The following GSG1L variants were observed in gnomAD, a reference collection of about 807,000 sequenced individuals.
GSG1L encodes GSG1 like.
In GSG1L, 24 loss-of-function variants were observed where a neutral mutation model predicts 42.1. The observed-to-expected ratio is 0.57, with a 90% CI of 0.41 to 0.80. The LOEUF (loss-of-function observed/expected upper bound fraction) is 0.80. GSG1L is among the 30% of genes least tolerant of loss of function. GSG1L has a pLI of 0.00. For synonymous variants in GSG1L, 215 were observed against 203.5 expected (o/e 1.06, Z -0.48); for missense variants, 445 against 472.2 (o/e 0.94, Z 0.53).
intron 2 of GSG1L, among the ~76,000 whole-genome samples, chr16:27,888,507 CTT>C (rs1567505975): frequency 1.3e-3 from 18 of 13,430 alleles, no homozygotes; most frequent in South Asian, 3.1e-3. Flanking sequence ...TTCTTTCTTT[CTT>C]TCTTTCTTTC....
rs200521273 is a variant in GSG1L at position 27,979,642 on chromosome 16, G to GGAAAGAAAGAAAGAAAGAAAGAAA, written c.350-16440_350-16439insTTTCTTTCTTTCTTTCTTTCTTTC. On this transcript the variant is annotated intron_variant, in intron 1 of 6. Transcript: ENST00000447459. ...GAAAGGGAGATGGGCAGGAGGGAGG[G>GGAAAGAAAGAAAGAAAGAAAGAAA]GAAAGAAAGAAAGAAAGAAAGAGAG... 9.0e-3 allele frequency among the ~76,000 whole-genome samples: 505 copies of GGAAAGAAAGAAAGAAAGAAAGAAA among 55,886 alleles called. 26 individuals are homozygous for GGAAAGAAAGAAAGAAAGAAAGAAA. Among genetic ancestry groups the GGAAAGAAAGAAAGAAAGAAAGAAA allele is most frequent in the Middle Eastern group, 0.011 (1 of 92 alleles). 36.7% of individuals were successfully genotyped at this position (55,886 alleles called of 152,430 possible).
chr16:27,905,346 A>T (rs2084308697), intron 2 of GSG1L, among the ~76,000 whole-genome samples: 1 of 145,134 alleles, frequency 6.9e-6, no homozygotes, highest in Non-Finnish European at 1.5e-5. Flanking sequence ...TTTTAAAGCG[A>T]CAGGGTCTCA....
chr16:27,865,639 A>ATG (rs1192603680), intron 3 of GSG1L, among the ~76,000 whole-genome samples: 1 of 145,408 alleles, frequency 6.9e-6, no homozygotes, highest in Non-Finnish European at 1.5e-5. Context: ...GTGTGTATAT[A>ATG]TGTGTGTGTA....
chr16:27,791,540 C>G (rs575126544), intron 6 of GSG1L, 73 bp from the exon 7 acceptor site: 8 of 973,944 alleles, frequency 8.2e-6, no homozygotes, highest in East Asian at 3.1e-5. Context: ...CACCGCCCCC[C>G]ACCCACACAT....
chr16:27,907,130 A>C (rs1473295543), intron 2 of GSG1L, among the ~76,000 whole-genome samples: 1 of 152,230 alleles, frequency 6.6e-6, no homozygotes, highest in Non-Finnish European at 1.5e-5. Context: ...GAATTTGCAG[A>C]AACATCTGTT....
At chr16:27,917,321 C>T (rs1202166062) in intron 2 of GSG1L, among the ~76,000 whole-genome samples, 1 of 148,852 alleles carries the variant, frequency 6.7e-6, no homozygotes, top group African/African-American at 2.5e-5. Context: ...AGGCAGTGAG[C>T]TGGGCGTGAG....
intron 3 of GSG1L, among the ~76,000 whole-genome samples, chr16:27,864,211 G>A (rs2083689316): frequency 6.6e-6 from 1 of 152,206 alleles, no homozygotes; most frequent in Non-Finnish European, 1.5e-5. Flanking sequence ...ACCAATCATT[G>A]TGGGCAAGGA....
chr16:27,957,158 G>T (rs943530552), intron 2 of GSG1L, among the ~76,000 whole-genome samples: 2 of 152,150 alleles, frequency 1.3e-5, no homozygotes, highest in African/African-American at 4.8e-5. Context: ...AGATCAGCCT[G>T]GCTAACATGA....
Position 28,063,389 on chromosome 16 carries a change from G to A in GSG1L, c.36C>T (p.Ala12=), listed in dbSNP as rs772279492. The A allele has an allele frequency of 2.7e-5, 36 of 1,355,392 alleles. No homozygotes were observed. The highest frequency in any genetic ancestry group is 3.3e-5 in the Non-Finnish European group (34 of 1,044,654). The allele number at this position is 1,355,392 out of a possible 1,614,324, so 84.0% of individuals were successfully genotyped here. A position where few individuals can be genotyped will look rare whatever the true frequency, so the allele number is the denominator to read the frequency against. ...KTSRRGRALL[A]VALNLLALLF... ...GCAGCGCCAGCAGGTTCAGGGCCACGGCCAGGAGCGCTCGGCCGCGGCGGC... is the reference window on the plus strand; with the variant it reads ...GCAGCGCCAGCAGGTTCAGGGCCACAGCCAGGAGCGCTCGGCCGCGGCGGC... Residue 12 remains alanine (A), a synonymous_variant, in exon 1 of 7, where the codon GCC becomes GCT. Transcript: ENST00000447459. This position sits in a 1 kb window ranked among gnomAD's most constrained non-coding sequence, Gnocchi z 5.8.
intron 4 of GSG1L, among the ~76,000 whole-genome samples, chr16:27,838,811 GGGCCCAGCTGGTCCCTCCAT>G (rs1279025109): frequency 3.9e-5 from 6 of 152,172 alleles, no homozygotes; most frequent in Non-Finnish European, 5.9e-5. Context: ...CAGGCTCTGA[GGGCCCAGCTGGTCCCTCCAT>G]GGCCCACAGG....
chr16:28,008,877 C>T (rs1035525742), intron 1 of GSG1L, among the ~76,000 whole-genome samples: 2 of 152,182 alleles, frequency 1.3e-5, no homozygotes, highest in Middle Eastern at 3.4e-3. Flanking sequence ...GGCGGGATTT[C>T]GGACCACTGC....
chr16:27,854,535 G>A (rs569009095), intron 3 of GSG1L, among the ~76,000 whole-genome samples: 2 of 152,312 alleles, frequency 1.3e-5, no homozygotes, highest in East Asian at 3.9e-4. Context: ...TCCTTTCCCA[G>A]TCTGAGTGAA....
intron 3 of GSG1L, among the ~76,000 whole-genome samples, chr16:27,858,302 C>T (rs889578800): frequency 2.6e-5 from 4 of 152,194 alleles, no homozygotes; most frequent in Non-Finnish European, 5.9e-5. Flanking sequence ...AGCACTTGAC[C>T]ATCCCTTGTC....
At chr16:27,851,783 C>T (rs1224743215) in intron 3 of GSG1L, among the ~76,000 whole-genome samples, 1 of 152,204 alleles carries the variant, frequency 6.6e-6, no homozygotes, top group Admixed American at 6.5e-5. Flanking sequence ...CCTGTCAGGG[C>T]CTCTTGAGTC....
At chr16:28,022,188 G>A (rs2085851620) in intron 1 of GSG1L, among the ~76,000 whole-genome samples, 1 of 152,174 alleles carries the variant, frequency 6.6e-6, no homozygotes, top group South Asian at 2.1e-4. Flanking sequence ...GGGGTAGGAG[G>A]TACTGGTAGG....
At chr16:27,803,766 C>CATATATATATATATATATATAT (rs3047681) in intron 6 of GSG1L, among the ~76,000 whole-genome samples, 7 of 117,902 alleles carry the variant, frequency 5.9e-5, no homozygotes, top group South Asian at 2.6e-4. Context: ...ACAGTGCAGA[C>CATATATATATATATATATATAT]ATATATATAT....
At chr16:27,947,670 C>T (rs2084900238) in intron 2 of GSG1L, among the ~76,000 whole-genome samples, 1 of 152,028 alleles carries the variant, frequency 6.6e-6, no homozygotes, top group Non-Finnish European at 1.5e-5. Flanking sequence ...TGAGTATACT[C>T]AGTGAGTGCT....
chr16:27,951,774 C>T (rs1403479855), intron 2 of GSG1L, among the ~76,000 whole-genome samples: 1 of 152,068 alleles, frequency 6.6e-6, no homozygotes, highest in South Asian at 2.1e-4. Flanking sequence ...TGACATAAAT[C>T]AATAAAAAGC....
chr16:27,841,414 G>A (rs1007768856), intron 4 of GSG1L, among the ~76,000 whole-genome samples: 4 of 152,154 alleles, frequency 2.6e-5, no homozygotes, highest in Non-Finnish European at 5.9e-5. Context: ...GCACTCAACC[G>A]GCTTTGAGCG....
Sources: gnomAD v4.1 joint callset for allele counts (sites outside exome capture counted in the v4.1 genomes callset) on GRCh38, gnomAD v4.1.1 for gene constraint, Gnocchi (gnomAD v3.1) non-coding constraint, MANE v1.5 for transcripts, NCBI Gene and HGNC (gene_info 2026-07-23, HGNC 2026-07-21) for gene names.